The following DOK6 variants were observed in gnomAD, a reference collection of about 807,000 sequenced individuals.
The protein encoded by DOK6 is docking protein 6.
A neutral mutation model predicts 44.0 loss-of-function variants in DOK6; 22 were observed. The observed-to-expected ratio is 0.50, with a 90% CI of 0.36 to 0.71. The LOEUF (loss-of-function observed/expected upper bound fraction) is 0.71, where lower values mean the gene tolerates loss of function less well. Ranked by LOEUF, DOK6 falls within the 30% of genes least tolerant of loss-of-function variation. DOK6 has a pLI of 0.00. For synonymous variants in DOK6, 166 were observed against 145.5 expected (o/e 1.14, Z -1.01); for missense variants, 340 against 416.4 (o/e 0.82, Z 1.60).
chr18:69,775,451 G>T (rs1980032626), intron 7 of DOK6, among the ~76,000 whole-genome samples: 1 of 151,786 alleles, frequency 6.6e-6, no homozygotes, highest in Non-Finnish European at 1.5e-5. Context: ...GAAATGGAAG[G>T]TAATAAAAAG....
At chr18:69,566,564 A>G (rs111403396) in intron 2 of DOK6, among the ~76,000 whole-genome samples, 1,653 of 152,290 alleles carry the variant, frequency 0.011, 25 homozygotes, top group African/African-American at 0.037. Flanking sequence ...CACTATAAGG[A>G]TTGGTAATTT....
intron 5 of DOK6, among the ~76,000 whole-genome samples, chr18:69,720,639 C>A (rs1488405512): frequency 6.6e-6 from 1 of 152,092 alleles, no homozygotes; most frequent in Non-Finnish European, 1.5e-5. Flanking sequence ...TTTATCTAAT[C>A]AAATAGTCAC....
At chr18:69,487,193 G>A (rs866579095) in intron 1 of DOK6, among the ~76,000 whole-genome samples, 7 of 139,702 alleles carry the variant, frequency 5.0e-5, no homozygotes, top group Admixed American at 3.2e-4. Context: ...GTGTGTGTGT[G>A]TGTGTGTGTG....
At chr18:69,575,764 T>C (rs1393221458) in intron 2 of DOK6, among the ~76,000 whole-genome samples, 1 of 152,134 alleles carries the variant, frequency 6.6e-6, no homozygotes, top group Non-Finnish European at 1.5e-5. Context: ...ATATTTATTT[T>C]AACAAAGAGA....
At chr18:69,780,544 A>G (rs1980232687) in intron 7 of DOK6, among the ~76,000 whole-genome samples, 1 of 152,222 alleles carries the variant, frequency 6.6e-6, no homozygotes, top group Admixed American at 6.6e-5. Context: ...GTGAGCAGAG[A>G]TTGTGCCACT....
intron 1 of DOK6, among the ~76,000 whole-genome samples, chr18:69,425,726 G>T (rs781217119): frequency 6.6e-6 from 1 of 151,652 alleles, no homozygotes; most frequent in Non-Finnish European, 1.5e-5. Context: ...AAAAAATGTT[G>T]CATTAAAATT....
chr18:69,419,327 A>C (rs1181903883), intron 1 of DOK6, among the ~76,000 whole-genome samples: 2 of 152,182 alleles, frequency 1.3e-5, no homozygotes, highest in Non-Finnish European at 2.9e-5. Context: ...ACTCCCTTTT[A>C]AATGACAATA....
intron 1 of DOK6, among the ~76,000 whole-genome samples, chr18:69,501,539 T>C (rs1381533301): frequency 6.6e-6 from 1 of 152,204 alleles, no homozygotes; most frequent in African/African-American, 2.4e-5. Flanking sequence ...GCTCTTGCAA[T>C]GTGATCTTAG....
chr18:69,669,869 T>C (rs939981264), intron 3 of DOK6, among the ~76,000 whole-genome samples: 3 of 152,214 alleles, frequency 2.0e-5, no homozygotes, highest in African/African-American at 7.2e-5. Flanking sequence ...TCCCATTAAT[T>C]AGCGTGCTTG....
rs1599261381 is a variant in DOK6, at chr18:69,683,867, G to A, written c.409+6014G>A. 3.3e-5 allele frequency among the ~76,000 whole-genome samples: 5 copies of A among 152,282 alleles called. 1 individual carries two copies. Among genetic ancestry groups the A allele is most frequent in the Admixed American group, 3.3e-4 (5 of 15,304 alleles). ...GTCCTATAATAATCTGTTTAACTTT[G>A]TATAACCCAACATTTCCCAAACTCA... On this transcript the variant is annotated intron_variant, in intron 4 of 7. Transcript: ENST00000382713.
intron 4 of DOK6, among the ~76,000 whole-genome samples, chr18:69,693,680 C>T (rs895055342): frequency 2.0e-5 from 3 of 152,092 alleles, no homozygotes; most frequent in South Asian, 2.1e-4. Context: ...TGATCCTTTG[C>T]TTCTCCAGGC....
intron 7 of DOK6, among the ~76,000 whole-genome samples, chr18:69,811,297 G>C (rs1018246330): frequency 6.6e-5 from 10 of 151,918 alleles, no homozygotes; most frequent in African/African-American, 2.4e-4. Context: ...GGTTACTAGA[G>C]GCTGGTGGGG....
intron 7 of DOK6, among the ~76,000 whole-genome samples, chr18:69,836,760 G>A (rs1982065639): frequency 6.6e-6 from 1 of 152,150 alleles, no homozygotes; most frequent in African/African-American, 2.4e-5. Flanking sequence ...GATGAGCAAG[G>A]CTGTTGCATC....
Position 69,738,988 on chromosome 18 carries a change from T to C in DOK6, c.623T>C (p.Leu208Pro), listed in dbSNP as rs1410439225. Residue 208 changes from leucine to proline, a missense_variant, in exon 6 of 8, where the codon CTA (leucine) becomes CCA (proline). Physicochemically the swap from Leu to Pro is moderately conservative, Grantham distance 98. Transcript: ENST00000382713. ...AGAATGTGTGACACAGGAGAAGGAC[T>C]ATTCACTTTTCAAACAAGGGAAGGA... is the stretch of plus-strand genomic sequence containing the variant. ...SGRMCDTGEG[L>P]FTFQTREGEM... The C allele has an allele frequency of 6.2e-7, 1 of 1,614,098 alleles. No homozygotes were observed. Among genetic ancestry groups the C allele is most frequent in the Non-Finnish European group, 8.5e-7 (1 of 1,179,932 alleles).
chr18:69,461,461 T>C (rs1215812133), intron 1 of DOK6, among the ~76,000 whole-genome samples: 3 of 152,218 alleles, frequency 2.0e-5, no homozygotes, highest in African/African-American at 7.2e-5. Context: ...TACTGGCCTC[T>C]ATTAAATAAA....
At chr18:69,490,112 T>C (rs1980694025) in intron 1 of DOK6, among the ~76,000 whole-genome samples, 1 of 152,184 alleles carries the variant, frequency 6.6e-6, no homozygotes, top group Admixed American at 6.5e-5. Flanking sequence ...TATTTTCTAT[T>C]TTAAGAGTTT....
At chr18:69,756,151 G>A (rs920899228) in intron 6 of DOK6, among the ~76,000 whole-genome samples, 2 of 152,194 alleles carry the variant, frequency 1.3e-5, no homozygotes, top group African/African-American at 4.8e-5. Flanking sequence ...AATGACCTGG[G>A]TGGGTCAGAG....
Position 69,739,049 on chromosome 18 carries a change from G to C in DOK6, c.684G>C (p.Leu228=). 3 of 1,614,114 alleles carry C rather than the reference G, an allele frequency of 1.9e-6. No homozygotes were observed. The highest frequency in any genetic ancestry group is 2.5e-6 in the Non-Finnish European group (3 of 1,179,960). ...ATCAGAAGGTTCATTCTGCGACACT[G>C]GCCATAGCTGAGCAACATGAAAGAT... ...MIYQKVHSAT[L]AIAEQHERLM... The change falls in exon 6 of 8, where the codon CTG becomes CTC. Residue 228 remains leucine (L), a synonymous_variant. Transcript: ENST00000382713.
Position 69,847,095 on chromosome 18 carries a change from G to GAA in DOK6, c.*5714_*5715dup, listed in dbSNP as rs1299143038. ...GGAGAGGAAAAATACATTTGTAGTAGAAATATTCCCTCTAACAATTCTGTT... is the reference window on the plus strand; with the variant it reads ...GGAGAGGAAAAATACATTTGTAGTAGAAAAATATTCCCTCTAACAATTCTGTT... On this transcript the variant is annotated 3_prime_UTR_variant, in exon 8 of 8. Transcript: ENST00000382713. 6.6e-6 allele frequency: 1 copy of GAA among 152,058 alleles called. No homozygotes were observed. The highest frequency in any genetic ancestry group is 1.5e-5 in the Non-Finnish European group (1 of 68,008). The allele number at this position is 152,058 out of a possible 1,614,324, so 9.4% of individuals were successfully genotyped here.
Sources: allele counts gnomAD v4.1 joint callset (sites outside exome capture counted in the v4.1 genomes callset), GRCh38; gene constraint gnomAD v4.1.1; transcripts MANE v1.5; gene names NCBI Gene and HGNC (gene_info 2026-07-23, HGNC 2026-07-21).